The following TNS3 variants were observed in gnomAD, a reference collection of about 807,000 sequenced individuals.
TNS3 encodes the protein tensin 3.
In TNS3, 45 loss-of-function variants were observed where a neutral mutation model predicts 140.9. The ratio of observed to expected loss-of-function variants is 0.32; its 90% CI spans 0.25 to 0.41. The LOEUF is 0.41. TNS3 is among the 10% of genes least tolerant of loss of function. The pLI is 1.00. For missense variants in TNS3, 1,716 were observed against 1,906.7 expected, an observed-to-expected ratio of 0.90 and a Z score of 1.86; for synonymous variants, 815 against 788.4, an observed-to-expected ratio of 1.03 and a Z score of -0.56.
intron 20 of TNS3, among the ~76,000 whole-genome samples, chr7:47,332,510 C>A (rs1279729676): frequency 2.0e-5 from 3 of 152,210 alleles, no homozygotes; most frequent in Non-Finnish European, 4.4e-5. Flanking sequence ...CCACAGGCTG[C>A]TTCAGAAGGG....
intron 3 of TNS3, among the ~76,000 whole-genome samples, chr7:47,501,647 C>T (rs1387924685): frequency 6.6e-6 from 1 of 152,120 alleles, no homozygotes; most frequent in Non-Finnish European, 1.5e-5. Context: ...AGCCTCCCTC[C>T]TTGTGCACGG....
At chr7:47,381,928 A>G (rs1791786075) in intron 16 of TNS3, among the ~76,000 whole-genome samples, 1 of 152,228 alleles carries the variant, frequency 6.6e-6, no homozygotes, top group Admixed American at 6.5e-5. Context: ...TTTGCTTTAA[A>G]GAATACACAT....
At chr7:47,322,322 G>A (rs1787787681) in intron 20 of TNS3, among the ~76,000 whole-genome samples, 2 of 149,652 alleles carry the variant, frequency 1.3e-5, no homozygotes, top group African/African-American at 4.9e-5. Context: ...AGGAATTCAA[G>A]ACCAGCCTGA....
At chr7:47,280,442 G>T in intron 28 of TNS3, 88 bp from the exon 29 acceptor site, 1 of 1,170,960 alleles carries the variant, frequency 8.5e-7, no homozygotes, top group Non-Finnish European at 1.3e-6. Flanking sequence ...TCCCATACAT[G>T]AAGATTCTTC....
intron 13 of TNS3, among the ~76,000 whole-genome samples, chr7:47,406,022 G>C (rs1793429877): frequency 6.6e-6 from 1 of 152,102 alleles, no homozygotes; most frequent in Non-Finnish European, 1.5e-5. Flanking sequence ...CAGGCCCCTG[G>C]AGCCCTGCCA....
chr7:47,513,389 G>A (rs1798672764), intron 2 of TNS3, among the ~76,000 whole-genome samples: 1 of 152,094 alleles, frequency 6.6e-6, no homozygotes, highest in African/African-American at 2.4e-5. Flanking sequence ...GGCTGGTCTT[G>A]AACTCCCGGT....
intron 2 of TNS3, among the ~76,000 whole-genome samples, chr7:47,515,237 C>T (rs1275387644): frequency 6.6e-6 from 1 of 152,140 alleles, no homozygotes; most frequent in Non-Finnish European, 1.5e-5. Flanking sequence ...AAGTCAGGGA[C>T]CTGAAAGTCC....
At chr7:47,344,670 T>A in intron 20 of TNS3, 85 bp downstream of exon 20, 4 of 1,202,242 alleles carry the variant, frequency 3.3e-6, no homozygotes, top group Non-Finnish European at 4.8e-6. Context: ...CATTTCTGCA[T>A]ACGAGTTCTT....
intron 4 of TNS3, among the ~76,000 whole-genome samples, chr7:47,478,078 G>C (rs938844437): frequency 6.6e-6 from 1 of 152,152 alleles, no homozygotes; most frequent in Non-Finnish European, 1.5e-5. Flanking sequence ...CACCACACGG[G>C]GAGAGCAGCC....
rs1425739266 is a variant in TNS3 at position 47,554,870 on chromosome 7, A to G, written c.-264-25723T>C. Among the ~76,000 whole-genome samples the G allele has an allele frequency of 2.0e-5, 3 of 152,146 alleles. No individual in the cohort carries two copies. In the East Asian group the frequency reaches 5.8e-4, roughly 30 times the overall value. On this transcript the variant is annotated intron_variant, in intron 1 of 30. Transcript: ENST00000311160. ...ATGGTGAAACCCCGTCCTACTAAAA[A>G]TACAAAAATTAGCTGGGCATGGTAG...
At chr7:47,498,888 C>T (rs969601333) in intron 3 of TNS3, among the ~76,000 whole-genome samples, 1 of 152,338 alleles carries the variant, frequency 6.6e-6, no homozygotes. Context: ...GATGCCGAGA[C>T]GGTGCAAGGA....
intron 1 of TNS3, among the ~76,000 whole-genome samples, chr7:47,573,560 C>T (rs576297491): frequency 1.3e-5 from 2 of 152,376 alleles, no homozygotes; most frequent in South Asian, 4.1e-4. Context: ...TGCCCAGGGC[C>T]TCTGCCCACG....
chr7:47,477,299 G>C (rs772871867), intron 4 of TNS3, among the ~76,000 whole-genome samples: 5 of 152,144 alleles, frequency 3.3e-5, no homozygotes, highest in Admixed American at 6.5e-5. Context: ...AAACATGCTG[G>C]GATGAAGCTA....
At chr7:47,534,744 C>G (rs554584102) in intron 1 of TNS3, among the ~76,000 whole-genome samples, 1 of 152,212 alleles carries the variant, frequency 6.6e-6, no homozygotes, top group African/African-American at 2.4e-5. Flanking sequence ...TGCATCCTTT[C>G]TGATAACACA....
intron 17 of TNS3, among the ~76,000 whole-genome samples, chr7:47,349,225 T>G (rs756210760): frequency 6.6e-6 from 1 of 152,098 alleles, no homozygotes; most frequent in Non-Finnish European, 1.5e-5. Context: ...AAAATCAATC[T>G]TCATTTAAAA....
intron 1 of TNS3, among the ~76,000 whole-genome samples, chr7:47,572,093 A>G (rs1283155125): frequency 1.3e-5 from 2 of 152,232 alleles, no homozygotes; most frequent in Admixed American, 1.3e-4. Context: ...TGGGCTCCGC[A>G]CAGACAACCA....
At chr7:47,359,164 A>T (rs1562633318) in intron 17 of TNS3, among the ~76,000 whole-genome samples, 1 of 152,228 alleles carries the variant, frequency 6.6e-6, no homozygotes, top group East Asian at 1.9e-4. Context: ...GAGAGGAATG[A>T]ATAAACAAAC....
At chr7:47,387,130 A>G (rs1792120962) in intron 16 of TNS3, among the ~76,000 whole-genome samples, 1 of 152,262 alleles carries the variant, frequency 6.6e-6, no homozygotes, top group African/African-American at 2.4e-5. Flanking sequence ...TTAACTATCT[A>G]AAGTCCCAGA....
chr7:47,564,355 T>C (rs578125672), intron 1 of TNS3, among the ~76,000 whole-genome samples: 5 of 150,558 alleles, frequency 3.3e-5, no homozygotes, highest in Admixed American at 3.3e-4. Context: ...GACTGCAACC[T>C]TGCTGGGCGT....
Sources: gnomAD v4.1 joint callset for allele counts (sites outside exome capture counted in the v4.1 genomes callset) on GRCh38, gnomAD v4.1.1 for gene constraint, MANE v1.5 for transcripts, NCBI Gene and HGNC (gene_info 2026-07-23, HGNC 2026-07-21) for gene names.